The following ZNF335 variants were observed in gnomAD, a reference collection of about 807,000 sequenced individuals.
The protein encoded by ZNF335 is zinc finger protein 335.
In ZNF335, 84 loss-of-function variants were observed where a neutral mutation model predicts 145.6. That is an observed-to-expected ratio of 0.58 (90% CI 0.48 to 0.69). The LOEUF (loss-of-function observed/expected upper bound fraction) is 0.69. ZNF335 is among the 30% of genes least tolerant of loss of function. The pLI, the probability that ZNF335 is intolerant of heterozygous loss-of-function variation, is 0.00. For missense variants in ZNF335, 1,865 were observed against 1,809.7 expected, an observed-to-expected ratio of 1.03 and a Z score of -0.55; for synonymous variants, 761 against 717.0, an observed-to-expected ratio of 1.06 and a Z score of -0.98.
rs781521348 is a variant in ZNF335 at position 45,960,825 on chromosome 20, C to CG, written c.1665+38dup. On this transcript the variant is annotated intron_variant, in intron 11 of 27. Coordinates refer to ENST00000322927, the MANE Select transcript of ZNF335 (RefSeq NM_022095.4). ...TGTCCTCACCCCCATAAACAACCCCCGGGCAGGTTCCCTTCCCAGGCCAGC... is the reference window on the plus strand; with the variant it reads ...TGTCCTCACCCCCATAAACAACCCCCGGGGCAGGTTCCCTTCCCAGGCCAGC... 5 of 1,613,870 alleles carry CG rather than the reference C, an allele frequency of 3.1e-6. No homozygotes were observed. The East Asian group carries it at 8.9e-5, about 29-fold the overall frequency.
chr20:45,962,017 T>TGG, intron 10 of ZNF335, 53 bp downstream of exon 10: 1 of 1,207,416 alleles, frequency 8.3e-7, no homozygotes, highest in Non-Finnish European at 1.2e-6. Flanking sequence ...GGCCTCCACT[T>TGG]CCCCACCCAA....
chr20:45,963,743 G>A lies in ZNF335; in HGVS notation c.1350C>T (p.Tyr450=). 1 of 1,614,148 alleles carries A rather than the reference G, an allele frequency of 6.2e-7. No individual in the cohort carries two copies. Among genetic ancestry groups the A allele is most frequent in the Non-Finnish European group, 8.5e-7 (1 of 1,179,986 alleles). The change falls in exon 8 of 28, where the codon TAC becomes TAT. Residue 450 remains tyrosine (Y), a synonymous_variant. Coordinates refer to ENST00000322927, the MANE Select transcript of ZNF335 (RefSeq NM_022095.4). ...RPSRRFLGKK[Y]RKYYYKSPKP... ...CTCACCTCTGCTCCACATACTTGCG[G>A]TATTTCTTGCCTAGGAAGCGCCTGG...
At position 45,960,534 on chromosome 20, in the gene ZNF335, G is replaced by A. The variant is rs1481591820; in HGVS notation, c.1783-9C>T. ...TTAAAGGACTTTCCACACTGTGAGG[G>A]GTGGAGAGCAGTGAGATGGCGATCA... On this transcript the variant is annotated splice_polypyrimidine_tract_variant and intron_variant, in intron 12 of 27. Transcript: ENST00000322927. 5 of 1,613,812 alleles carry A rather than the reference G, an allele frequency of 3.1e-6. No homozygotes were observed. In the Admixed American group the frequency reaches 6.7e-5, roughly 22 times the overall value.
rs111324812 is a variant in ZNF335, at chr20:45,962,942, T to C, written c.1533+531A>G. 8.6e-5 allele frequency among the ~76,000 whole-genome samples: 13 copies of C among 151,854 alleles called. 1 individual carries two copies. The highest frequency in any genetic ancestry group is 2.7e-4 in the African/African-American group (11 of 41,376). ...GATTCTCCTGCCTCAGCATCCCAAG[T>C]AGTTGGGATTACAGGCATGCACCAC... On this transcript the variant is annotated intron_variant, in intron 9 of 27. Coordinates refer to ENST00000322927, the MANE Select transcript of ZNF335 (RefSeq NM_022095.4).
intron 9 of ZNF335, 131 bp from the exon 10 acceptor site, chr20:45,962,313 A>G: frequency 1.4e-6 from 1 of 708,148 alleles, no homozygotes; most frequent in Non-Finnish European, 2.5e-6. Context: ...TGTGGACAAC[A>G]CACCCCGACG....
rs770813545 is a variant in ZNF335 at position 45,967,955 on chromosome 20, T to C, written c.593A>G (p.Asp198Gly). 2.5e-5 allele frequency: 40 copies of C among 1,612,760 alleles called. No homozygotes were observed. Among genetic ancestry groups the C allele is most frequent in the Non-Finnish European group, 3.1e-5 (37 of 1,180,036 alleles). ...GCATGTGGATGTGGATGTGGGGCCA[T>C]CTGCCAGGGCCTCAATGGCTGCTAG... ...HSLAAIEALADGPTSTSTCLE... is the reference protein window; with the variant it reads ...HSLAAIEALAGGPTSTSTCLE... Residue 198 changes from aspartate (D) to glycine (G), a missense_variant, in exon 5 of 28, where the codon GAT becomes GGT. By Grantham distance (94) the Asp-to-Gly change is moderately conservative (BLOSUM62 -1). Transcript: ENST00000322927.
At chr20:45,961,305 C>T (rs904327715) in intron 10 of ZNF335, among the ~76,000 whole-genome samples, 6 of 152,024 alleles carry the variant, frequency 3.9e-5, no homozygotes, top group African/African-American at 7.3e-5. Context: ...GCAGAAAGAT[C>T]GCTTAAGCCT....
intron 17 of ZNF335, 31 bp from the exon 18 acceptor site, chr20:45,953,979 G>A (rs757675842): frequency 1.9e-6 from 3 of 1,547,246 alleles, no homozygotes; most frequent in African/African-American, 1.4e-5. Context: ...GGGATGGGAG[G>A]CACTGGTGGC....
chr20:45,967,415 C>T (rs746771716), intron 6 of ZNF335, 79 bp downstream of exon 6: 33 of 1,608,780 alleles, frequency 2.1e-5, no homozygotes, highest in Non-Finnish European at 2.7e-5. Flanking sequence ...TTCCTCTTTA[C>T]TGGCCCTCCA....
chr20:45,965,251 T>C (rs2083930300), intron 7 of ZNF335, among the ~76,000 whole-genome samples: 1 of 152,048 alleles, frequency 6.6e-6, no homozygotes, highest in Non-Finnish European at 1.5e-5. Flanking sequence ...GGCTGGGTCC[T>C]TTCTGTCCCC....
chr20:45,952,572 G>A (rs1001627455), intron 19 of ZNF335, 26 bp downstream of exon 19: 1 of 1,612,732 alleles, frequency 6.2e-7, no homozygotes, highest in Non-Finnish European at 8.5e-7. Context: ...GGAGGTGGGG[G>A]AGTGGTTGGC....
rs767497220 is a variant in ZNF335 at position 45,969,516 on chromosome 20, G to C, written c.377C>G (p.Ser126Cys). The change falls in exon 3 of 28, where the codon TCC becomes TGC. Residue 126 changes from serine (S) to cysteine (C), a missense_variant. Coordinates refer to ENST00000322927, the MANE Select transcript of ZNF335 (RefSeq NM_022095.4). ...NMLVSDCTAS[S>C]SDLGSAIDKI... is the part of the protein sequence containing the mutation. ...GTCGATGGCCGAGCCCAGGTCCGAG[G>C]AGGAAGCTGTGCAGTCGGACACCAG... The C allele has an allele frequency of 6.3e-7, 1 of 1,584,070 alleles. No individual in the cohort carries two copies. Among genetic ancestry groups the C allele is most frequent in the Non-Finnish European group, 8.6e-7 (1 of 1,156,160 alleles).
In ZNF335 at chr20:45,952,623, T is replaced by C; in HGVS notation, c.2789A>G (p.Asp930Gly). 1 of 1,613,876 alleles carries C rather than the reference T, an allele frequency of 6.2e-7. No individual in the cohort carries two copies. Among genetic ancestry groups the C allele is most frequent in the Non-Finnish European group, 8.5e-7 (1 of 1,179,998 alleles). Reference protein sequence around the residue: ...EAGTHYIMATDGTQLHHIELT... With the variant: ...EAGTHYIMATGGTQLHHIELT... Reference sequence around the variant, plus strand: ...CTCAATGTGGTGCAACTGGGTACCATCAGTAGCCATGATGTAGTGGGTGCC... The same window carrying C: ...CTCAATGTGGTGCAACTGGGTACCACCAGTAGCCATGATGTAGTGGGTGCC... The change falls in exon 19 of 28, where the codon GAT becomes GGT. Residue 930 changes from aspartate to glycine, a missense_variant. Transcript: ENST00000322927.
In ZNF335 at chr20:45,969,505, C is replaced by T. The variant is rs761913847; in HGVS notation, c.388G>A (p.Gly130Ser). 10 of 1,576,636 alleles carry T rather than the reference C, an allele frequency of 6.3e-6. No homozygotes were observed. The South Asian group carries it at 1.0e-4, about 16-fold the overall frequency. Reference protein sequence around the residue: ...SDCTASSSDLGSAIDKIIEST... With the variant: ...SDCTASSSDLSSAIDKIIEST... ...TCGATGATCTTGTCGATGGCCGAGC[C>T]CAGGTCCGAGGAGGAAGCTGTGCAG... Residue 130 changes from glycine to serine, a missense_variant, in exon 3 of 28, where the codon GGC becomes AGC. Physicochemically the swap from Gly to Ser is moderately conservative, Grantham distance 56 (BLOSUM62 0). Transcript: ENST00000322927.
At chr20:45,952,990 C>T (rs1242744059) in intron 18 of ZNF335, among the ~76,000 whole-genome samples, 1 of 152,182 alleles carries the variant, frequency 6.6e-6, no homozygotes, top group Non-Finnish European at 1.5e-5. Flanking sequence ...GGGGTCTAAC[C>T]CAACCAGTAG....
chr20:45,969,823 G>A, intron 2 of ZNF335, 132 bp from the exon 3 acceptor site: 1 of 1,262,832 alleles, frequency 7.9e-7, no homozygotes, highest in Non-Finnish European at 1.1e-6. Context: ...CATGCCCTCA[G>A]CCCCACGGAG....
intron 3 of ZNF335, chr20:45,968,893 G>C (rs2084007746): frequency 6.4e-6 from 1 of 155,660 alleles, no homozygotes; most frequent in Non-Finnish European, 1.4e-5. Flanking sequence ...CCAGCAAAAA[G>C]GTGGTGTGCA....
rs889034011 is a variant in ZNF335 at position 45,963,378 on chromosome 20, T to C, written c.1533+95A>G. ...AGCAGCAGGAGAGCGTGACCCAGAA[T>C]GCTCTGTGACTCCATTCTCCCTCAG... On this transcript the variant is annotated intron_variant, in intron 9 of 27. Coordinates refer to ENST00000322927, the MANE Select transcript of ZNF335 (RefSeq NM_022095.4). 1.4e-5 allele frequency: 19 copies of C among 1,400,496 alleles called. No individual in the cohort carries two copies. In the Admixed American group the frequency reaches 2.7e-4, roughly 20 times the overall value. 86.8% of individuals were successfully genotyped at this position (1,400,496 alleles called of 1,614,324 possible). A position where few individuals can be genotyped will look rare whatever the true frequency, so the allele number is the denominator to read the frequency against.
At chr20:45,970,484 C>CT (rs2084038384) in intron 2 of ZNF335, among the ~76,000 whole-genome samples, 1 of 152,194 alleles carries the variant, frequency 6.6e-6, no homozygotes, top group Admixed American at 6.5e-5. Flanking sequence ...CACAAAAACT[C>CT]TATGAGGCAG....
Sources: allele counts gnomAD v4.1 joint callset (sites outside exome capture counted in the v4.1 genomes callset), GRCh38; gene constraint gnomAD v4.1.1; transcripts MANE v1.5; gene names NCBI Gene and HGNC (gene_info 2026-07-23, HGNC 2026-07-21).